WAPL: variants seen among roughly 807,000 people sequenced by gnomAD.
The protein encoded by WAPL is wings apart-like protein homolog.
Under a neutral mutation model 121.0 loss-of-function variants are expected in WAPL, and 5 were observed. That is an observed-to-expected ratio of 0.04 (90% CI 0.02 to 0.09). The LOEUF (loss-of-function observed/expected upper bound fraction) is 0.09, where lower values mean the gene tolerates loss of function less well. Among genes scored for constraint, WAPL ranks in the 10% least tolerant of loss-of-function variants. The probability of loss-of-function intolerance (pLI) is 1.00; values close to 1 mark genes in which losing one functional copy is unlikely to be tolerated. For missense variants in WAPL, 999 were observed against 1,410.8 expected (o/e 0.71, Z 4.68); for synonymous variants, 480 against 481.5 (o/e 1.00, Z 0.04).
In WAPL at chr10:86,435,880, T is replaced by A. The variant is rs1849308192; in HGVS notation, c.*1663A>T. The A allele has an allele frequency of 6.6e-6, 1 of 152,212 alleles. No homozygotes were observed. The highest frequency in any genetic ancestry group is 1.5e-5 in the Non-Finnish European group (1 of 68,036). The allele number at this position is 152,212 out of a possible 1,614,324, so 9.4% of individuals were successfully genotyped here. A position where few individuals can be genotyped will look rare whatever the true frequency, so the allele number is the denominator to read the frequency against. On this transcript the variant is annotated 3_prime_UTR_variant, in exon 19 of 19. Coordinates refer to ENST00000298767, the MANE Select transcript of WAPL (RefSeq NM_015045.5). ...TTTGCATTTTAAAATAAAATATAAC[T>A]AATTTAATTTTACGGGTATCATTTA...
At position 86,453,343 on chromosome 10, in the gene WAPL, A is replaced by C; in HGVS notation, c.2834-8T>G. ...TTTTGGTGCTGCCCCACTCTGAAAT[A>C]AGAAATGGATACAGGAAAATGGTTA... On this transcript the variant is annotated splice_polypyrimidine_tract_variant and splice_region_variant and intron_variant, in intron 13 of 18. Transcript: ENST00000298767. 1 of 1,613,600 alleles carries C rather than the reference A, an allele frequency of 6.2e-7. No individual in the cohort carries two copies. Among genetic ancestry groups the C allele is most frequent in the South Asian group, 1.1e-5 (1 of 91,044 alleles).
rs1189694953 is a variant in WAPL at position 86,475,265 on chromosome 10, T to A, written c.1645-1292A>T. ...GAAAGGTAACACCTCATCCTCTCTATCCTCTACAAAAGTGACGTTAAATTA... is the reference window on the plus strand; with the variant it reads ...GAAAGGTAACACCTCATCCTCTCTAACCTCTACAAAAGTGACGTTAAATTA... On this transcript the variant is annotated intron_variant, in intron 4 of 18. Transcript: ENST00000298767. 3.9e-5 allele frequency among the ~76,000 whole-genome samples: 6 copies of A among 152,196 alleles called. No homozygotes were observed. In the East Asian group the frequency reaches 9.6e-4, roughly 24 times the overall value.
At chr10:86,507,876 CCA>C (rs1589538321) in intron 2 of WAPL, among the ~76,000 whole-genome samples, 1 of 152,094 alleles carries the variant, frequency 6.6e-6, no homozygotes, top group South Asian at 2.1e-4. Flanking sequence ...ATTTTAAATT[CCA>C]CAGTCTATCT....
chr10:86,489,067 A>C (rs1841984150), intron 4 of WAPL, among the ~76,000 whole-genome samples: 1 of 152,252 alleles, frequency 6.6e-6, no homozygotes, highest in Non-Finnish European at 1.5e-5. Context: ...AAACTGTCTA[A>C]TCTGAGTCTA....
At position 86,472,110 on chromosome 10, in the gene WAPL, T is replaced by A. The variant is rs1475607332; in HGVS notation, c.2030+98A>T. 8.2e-7 allele frequency: 1 copy of A among 1,225,536 alleles called. No homozygotes were observed. Among genetic ancestry groups the A allele is most frequent in the East Asian group, 2.5e-5 (1 of 39,308 alleles). 75.9% of individuals were successfully genotyped at this position (1,225,536 alleles called of 1,614,324 possible). ...ACTGGCTATACATACTACCCCATCA[T>A]AACAAAATAAAAAATGTTTGGCTTT... On this transcript the variant is annotated intron_variant, in intron 7 of 18. Coordinates refer to ENST00000298767, the MANE Select transcript of WAPL (RefSeq NM_015045.5). This position sits in a 1 kb window ranked among gnomAD's most constrained non-coding sequence, Gnocchi z 4.2.
At chr10:86,514,156 GAC>G (rs1842515000) in intron 2 of WAPL, among the ~76,000 whole-genome samples, 1 of 152,182 alleles carries the variant, frequency 6.6e-6, no homozygotes, top group Non-Finnish European at 1.5e-5. Flanking sequence ...AATGAAAATT[GAC>G]AGACATAATG....
chr10:86,462,444 G>A (rs929121377), intron 9 of WAPL, among the ~76,000 whole-genome samples: 2 of 152,038 alleles, frequency 1.3e-5, no homozygotes, highest in African/African-American at 2.4e-5. Flanking sequence ...GGCCAGGTGC[G>A]GTGGCTCACA....
At chr10:86,497,088 C>A (rs1842164003) in intron 4 of WAPL, 113 bp downstream of exon 4, 1 of 876,006 alleles carries the variant, frequency 1.1e-6, no homozygotes, top group Non-Finnish European at 1.7e-6. Context: ...TTACACATAT[C>A]CTTTGAAAGA....
chr10:86,447,157 G>C (rs1224438190), intron 15 of WAPL, among the ~76,000 whole-genome samples: 1 of 152,106 alleles, frequency 6.6e-6, no homozygotes, highest in East Asian at 1.9e-4. Context: ...TGGAGTTTTG[G>C]AATCTACATG....
Position 86,471,586 on chromosome 10 carries a change from G to T in WAPL, c.2031-483C>A, listed in dbSNP as rs1841533557. On this transcript the variant is annotated intron_variant, in intron 7 of 18. Coordinates refer to ENST00000298767, the MANE Select transcript of WAPL (RefSeq NM_015045.5). ...CTTAAATAAATCTAACTTATTACTT[G>T]AACATCAGAGGTAAAAAGAACTTAA... Among the ~76,000 whole-genome samples, 7 of 152,146 alleles carry T rather than the reference G, an allele frequency of 4.6e-5. No homozygotes were observed. In the South Asian group the frequency reaches 1.5e-3, roughly 32 times the overall value.
At chr10:86,467,069 A>G in intron 9 of WAPL, 3 of 520,262 alleles carry the variant, frequency 5.8e-6, no homozygotes, top group South Asian at 4.9e-5. Context: ...GCAACTATTT[A>G]TTGGGCAAAA....
At chr10:86,466,749 T>C (rs1209579534) in intron 9 of WAPL, among the ~76,000 whole-genome samples, 4 of 151,914 alleles carry the variant, frequency 2.6e-5, no homozygotes, top group Non-Finnish European at 5.9e-5. Context: ...CAGGCTGGAG[T>C]GCAGGGGCAC....
intron 4 of WAPL, among the ~76,000 whole-genome samples, chr10:86,478,299 C>T (rs11595245): frequency 0.12 from 17,550 of 151,742 alleles, 1,184 homozygotes; most frequent in Middle Eastern, 0.17. Context: ...AATGGTGGCA[C>T]GTGCCTGTGG....
chr10:86,453,722 CTACATGGTTAGT>C lies in WAPL; in HGVS notation c.2755_2766del (p.Thr919_Val922del). On this transcript the variant is annotated inframe_deletion, in exon 13 of 19. Coordinates refer to ENST00000298767, the MANE Select transcript of WAPL (RefSeq NM_015045.5). Reference sequence around the variant, plus strand: ...CTCATGCAGTCCTCCACTGCTTTGCCTACATGGTTAGTTACATTCTGGTGAGGCAGAGGCTTA... The same window carrying C: ...CTCATGCAGTCCTCCACTGCTTTGCCTACATTCTGGTGAGGCAGAGGCTTA... The C allele has an allele frequency of 6.2e-7, 1 of 1,614,146 alleles. No individual in the cohort carries two copies. Among genetic ancestry groups the C allele is most frequent in the Non-Finnish European group, 8.5e-7 (1 of 1,180,022 alleles).
At chr10:86,459,511 A>G (rs565840700) in intron 11 of WAPL, among the ~76,000 whole-genome samples, 1 of 152,334 alleles carries the variant, frequency 6.6e-6, no homozygotes, top group Admixed American at 6.5e-5. Context: ...ATACTATACT[A>G]CTTTTAAAAT....
chr10:86,493,902 C>T (rs1210061632), intron 4 of WAPL, among the ~76,000 whole-genome samples: 1 of 152,180 alleles, frequency 6.6e-6, no homozygotes, highest in East Asian at 1.9e-4. Flanking sequence ...ACCCAGGAGG[C>T]TAAGGCAGGA....
Position 86,513,508 on chromosome 10 carries a change from T to A in WAPL, c.499+4063A>T, listed in dbSNP as rs1209732661. On this transcript the variant is annotated intron_variant, in intron 2 of 18. Transcript: ENST00000298767. The stretch of plus-strand genomic sequence containing the variant: ...CCACCACACCTGGTTAATTTTTGTA[T>A]TTTTTTTAGTAAAGACGGGGTTTCA... Among the ~76,000 whole-genome samples the A allele has an allele frequency of 4.6e-5, 7 of 151,614 alleles. No individual in the cohort carries two copies. In the East Asian group the frequency reaches 1.4e-3, roughly 29 times the overall value.
intron 15 of WAPL, among the ~76,000 whole-genome samples, chr10:86,451,695 T>C (rs145641285): frequency 1.6e-4 from 24 of 152,318 alleles, no homozygotes; most frequent in African/African-American, 5.5e-4. Context: ...GCCCAGCCTA[T>C]ACCACATTTT....
intron 4 of WAPL, 115 bp from the exon 5 acceptor site, chr10:86,474,088 C>T: frequency 1.3e-6 from 1 of 793,578 alleles, no homozygotes; most frequent in South Asian, 1.6e-5. Flanking sequence ...AGGATGGATA[C>T]TATCTGGGAA....
Sources: allele counts gnomAD v4.1 joint callset (sites outside exome capture counted in the v4.1 genomes callset), GRCh38; gene constraint gnomAD v4.1.1; non-coding constraint Gnocchi (gnomAD v3.1); transcripts MANE v1.5; gene names NCBI Gene and HGNC (gene_info 2026-07-23, HGNC 2026-07-21).